PIEZO2: variants seen among roughly 807,000 people sequenced by gnomAD.
PIEZO2 encodes piezo-type mechanosensitive ion channel component 2.
PIEZO2 carries 172 observed loss-of-function variants against 337.3 expected under a neutral mutation model. The ratio of observed to expected loss-of-function variants is 0.51; its 90% confidence interval spans 0.45 to 0.58. The LOEUF is 0.58. PIEZO2 is among the 20% of genes least tolerant of loss of function. PIEZO2 has a pLI of 0.00. For synonymous variants in PIEZO2, 1,251 were observed against 1,228.5 expected (o/e 1.02, Z -0.38); for missense variants, 3,028 against 3,391.3 (o/e 0.89, Z 2.66).
At chr18:10,990,458 T>C (rs2035045859) in intron 2 of PIEZO2, among the ~76,000 whole-genome samples, 1 of 151,846 alleles carries the variant, frequency 6.6e-6, no homozygotes, top group African/African-American at 2.4e-5. Flanking sequence ...TGGAGAGGAG[T>C]AGATACATAC....
rs1358687706 is a variant in PIEZO2 at position 10,795,112 on chromosome 18, A to G, written c.1528-110T>C. 17 of 940,414 alleles carry G rather than the reference A, an allele frequency of 1.8e-5. No individual in the cohort carries two copies. The highest frequency in any genetic ancestry group is 2.7e-5 in the Non-Finnish European group (17 of 632,824). The allele number at this position is 940,414 out of a possible 1,614,324, so 58.3% of individuals were successfully genotyped here. On this transcript the variant is annotated intron_variant, in intron 12 of 55. Coordinates refer to ENST00000674853, the MANE Select transcript of PIEZO2 (RefSeq NM_001378183.1). This position sits in a 1 kb window ranked among gnomAD's most constrained non-coding sequence, Gnocchi z 4.4. ...AAGAAAAGGTCATAATATTCAAACC[A>G]GGGAGAGTAGAGAGTTGTGGTGGAG...
chr18:10,755,484 T>C (rs570729276), intron 27 of PIEZO2, among the ~76,000 whole-genome samples: 1 of 152,272 alleles, frequency 6.6e-6, no homozygotes, highest in Non-Finnish European at 1.5e-5. Context: ...GTTACAGGCA[T>C]TGAAAGACTG....
rs143453686 is a variant in PIEZO2 at position 11,003,916 on chromosome 18, A to G, written c.161-24256T>C. 2.3e-4 allele frequency among the ~76,000 whole-genome samples: 35 copies of G among 152,328 alleles called. No homozygotes were observed. In the East Asian group the frequency reaches 6.7e-3, roughly 29 times the overall value. ...GGACCTGCTAAATAGGACTAATGGA[A>G]GAGAGTTAATAGTCACTATTTTTGT... is the stretch of plus-strand genomic sequence containing the variant. On this transcript the variant is annotated intron_variant, in intron 2 of 55. Transcript: ENST00000674853. The surrounding 1 kb of genome is among the most constrained non-coding windows in gnomAD (Gnocchi z 4.6).
At chr18:10,710,189 C>T (rs770926796) in intron 39 of PIEZO2, among the ~76,000 whole-genome samples, 8 of 152,214 alleles carry the variant, frequency 5.3e-5, no homozygotes, top group Non-Finnish European at 1.0e-4. Flanking sequence ...ATTCAAAAGC[C>T]CTGTTTATCT....
chr18:10,752,579 G>A, intron 28 of PIEZO2, 57 bp downstream of exon 28: 2 of 1,505,624 alleles, frequency 1.3e-6, no homozygotes, highest in Non-Finnish European at 1.8e-6. Flanking sequence ...ACCACTGAGT[G>A]GACTGTTTAC....
intron 2 of PIEZO2, among the ~76,000 whole-genome samples, chr18:11,045,820 C>G (rs1403096148): frequency 6.6e-6 from 1 of 152,104 alleles, no homozygotes; most frequent in East Asian, 1.9e-4. Flanking sequence ...TTCAACTTAC[C>G]CTTTAGGATC....
chr18:10,756,287 A>T (rs1223423701), intron 27 of PIEZO2, among the ~76,000 whole-genome samples: 1 of 151,188 alleles, frequency 6.6e-6, no homozygotes, highest in Non-Finnish European at 1.5e-5. Flanking sequence ...AAGAGGAGGG[A>T]TGCAGGATGA....
rs915044957 is a variant in PIEZO2 at position 10,863,849 on chromosome 18, A to G, written c.493-6638T>C. Among the ~76,000 whole-genome samples the G allele has an allele frequency of 1.3e-5, 2 of 151,914 alleles. No individual in the cohort carries two copies. The highest frequency in any genetic ancestry group is 2.9e-5 in the Non-Finnish European group (2 of 68,024). Reference sequence around the variant, plus strand: ...TTTTGTAAAAATCACTTAATGGAACACAATCAAAACAAATCAGCAGTCACA... The same window carrying G: ...TTTTGTAAAAATCACTTAATGGAACGCAATCAAAACAAATCAGCAGTCACA... On this transcript the variant is annotated intron_variant, in intron 5 of 55. Coordinates refer to ENST00000674853, the MANE Select transcript of PIEZO2 (RefSeq NM_001378183.1). The surrounding 1 kb of genome is among the most constrained non-coding windows in gnomAD (Gnocchi z 4.3).
At chr18:10,808,756 T>A (rs1003878940) in intron 7 of PIEZO2, among the ~76,000 whole-genome samples, 1 of 152,156 alleles carries the variant, frequency 6.6e-6, no homozygotes, top group Non-Finnish European at 1.5e-5. Context: ...TTTCTGAAAA[T>A]GTTTTTGCAG....
At chr18:10,965,300 C>T (rs568682473) in intron 3 of PIEZO2, among the ~76,000 whole-genome samples, 3 of 152,300 alleles carry the variant, frequency 2.0e-5, no homozygotes, top group East Asian at 3.9e-4. Flanking sequence ...GTTATTGCCA[C>T]GCTTTATTTT....
intron 45 of PIEZO2, among the ~76,000 whole-genome samples, chr18:10,697,155 T>C (rs1233782319): frequency 6.6e-6 from 1 of 152,348 alleles, no homozygotes. Flanking sequence ...TGCTTGTCTG[T>C]CTAACCTTTG....
At chr18:10,816,034 T>C (rs1228753651) in intron 7 of PIEZO2, among the ~76,000 whole-genome samples, 1 of 152,230 alleles carries the variant, frequency 6.6e-6, no homozygotes, top group Non-Finnish European at 1.5e-5. Flanking sequence ...ATTACGGTTA[T>C]GATCAAATCC....
intron 7 of PIEZO2, among the ~76,000 whole-genome samples, chr18:10,827,433 T>C (rs1208751449): frequency 6.6e-6 from 1 of 151,954 alleles, no homozygotes; most frequent in Non-Finnish European, 1.5e-5. Context: ...AATCATACAT[T>C]TTCCCCATGT....
intron 3 of PIEZO2, among the ~76,000 whole-genome samples, chr18:10,972,190 A>G (rs183769793): frequency 0.013 from 1,907 of 149,644 alleles, 46 homozygotes; most frequent in African/African-American, 0.044. Flanking sequence ...AAAAAAAAAA[A>G]AGAGAGAGAG....
intron 7 of PIEZO2, among the ~76,000 whole-genome samples, chr18:10,807,953 T>C (rs901294645): frequency 1.3e-5 from 2 of 152,228 alleles, no homozygotes; most frequent in African/African-American, 2.4e-5. Flanking sequence ...TCTGATTATA[T>C]AATGGAAAAC....
chr18:10,971,324 G>A (rs969077602), intron 3 of PIEZO2, among the ~76,000 whole-genome samples: 7 of 152,182 alleles, frequency 4.6e-5, no homozygotes, highest in African/African-American at 1.7e-4. Context: ...TGAACACCAA[G>A]AGTCATCCAG....
intron 3 of PIEZO2, among the ~76,000 whole-genome samples, chr18:10,917,959 T>G (rs540603683): frequency 2.6e-5 from 4 of 152,300 alleles, no homozygotes; most frequent in African/African-American, 9.6e-5. Context: ...TTTTTTACCA[T>G]GCATTGAACA....
chr18:11,017,374 T>G (rs899644016), intron 2 of PIEZO2, among the ~76,000 whole-genome samples: 4 of 152,158 alleles, frequency 2.6e-5, no homozygotes, highest in Non-Finnish European at 5.9e-5. Context: ...CATGGGTTTT[T>G]TAATACTCTA....
At chr18:10,768,373 A>C (rs1351747147) in intron 21 of PIEZO2, among the ~76,000 whole-genome samples, 5 of 152,216 alleles carry the variant, frequency 3.3e-5, no homozygotes, top group Non-Finnish European at 7.3e-5. Flanking sequence ...TTTTGATTGG[A>C]TGTCATCACC....
Sources: gnomAD v4.1 joint callset for allele counts (sites outside exome capture counted in the v4.1 genomes callset) on GRCh38, gnomAD v4.1.1 for gene constraint, Gnocchi (gnomAD v3.1) non-coding constraint, MANE v1.5 for transcripts, NCBI Gene and HGNC (gene_info 2026-07-23, HGNC 2026-07-21) for gene names.